The following TMEM65 variants were observed in gnomAD, a reference collection of about 807,000 sequenced individuals.
TMEM65 encodes the protein transmembrane protein 65.
In TMEM65, 22 loss-of-function variants were observed where a neutral mutation model predicts 25.4. The observed-to-expected ratio is 0.86, with a 90% CI of 0.62 to 1.23. TMEM65 has a LOEUF of 1.23. TMEM65 is among the 50% of genes most tolerant of loss of function. The pLI is 0.00. For missense variants in TMEM65, 262 were observed against 308.2 expected, an observed-to-expected ratio of 0.85 and a Z score of 1.12; for synonymous variants, 132 against 126.2, an observed-to-expected ratio of 1.05 and a Z score of -0.31.
chr8:124,325,593 C>A (rs1366682731), intron 3 of TMEM65, among the ~76,000 whole-genome samples: 1 of 151,868 alleles, frequency 6.6e-6, no homozygotes, highest in Non-Finnish European at 1.5e-5. Context: ...CAAAATGGCC[C>A]ATAAGCCCCT....
intron 1 of TMEM65, among the ~76,000 whole-genome samples, chr8:124,343,268 T>C (rs978200511): frequency 2.6e-5 from 4 of 152,168 alleles, no homozygotes; most frequent in African/African-American, 9.7e-5. Flanking sequence ...TGACCCCTTA[T>C]ATAACAGTTA....
At chr8:124,315,333 T>G (rs183329406) in intron 6 of TMEM65, among the ~76,000 whole-genome samples, 250 of 152,220 alleles carry the variant, frequency 1.6e-3, no homozygotes, top group African/African-American at 5.2e-3. Flanking sequence ...TTGTTTGTTT[T>G]TTTTTTGAGA....
At chr8:124,359,579 T>TA (rs1435398263) in intron 1 of TMEM65, among the ~76,000 whole-genome samples, 3 of 151,960 alleles carry the variant, frequency 2.0e-5, no homozygotes, top group Admixed American at 6.6e-5. Flanking sequence ...TCATCTATAC[T>TA]AAAAATATAA....
rs1814118356 is a variant in TMEM65 at position 124,308,402 on chromosome 8, T to C, written c.*5558A>G. ...GAGAACTCTAACAAAGAGAACATCA[T>C]CAAAGTCTGGAAGGATTCCACCACT... is the stretch of plus-strand genomic sequence containing the variant. On this transcript the variant is annotated 3_prime_UTR_variant, in exon 7 of 7. Transcript: ENST00000297632. 1 of 152,146 alleles carries C rather than the reference T, an allele frequency of 6.6e-6. No individual in the cohort carries two copies. Among genetic ancestry groups the C allele is most frequent in the Admixed American group, 6.5e-5 (1 of 15,268 alleles). The allele number at this position is 152,146 out of a possible 1,614,324, so 9.4% of individuals were successfully genotyped here. A position where few individuals can be genotyped will look rare whatever the true frequency, so the allele number is the denominator to read the frequency against.
At chr8:124,354,150 A>G (rs906794706) in intron 1 of TMEM65, among the ~76,000 whole-genome samples, 1 of 152,186 alleles carries the variant, frequency 6.6e-6, no homozygotes, top group African/African-American at 2.4e-5. Context: ...AAGACATGCT[A>G]CAAAAAAACT....
intron 3 of TMEM65, among the ~76,000 whole-genome samples, chr8:124,324,908 T>C (rs1814348821): frequency 1.3e-5 from 2 of 152,070 alleles, no homozygotes; most frequent in Non-Finnish European, 2.9e-5. Flanking sequence ...TTATCCTTAA[T>C]ACAATTAATC....
intron 1 of TMEM65, among the ~76,000 whole-genome samples, chr8:124,358,624 C>T (rs1207557159): frequency 6.6e-6 from 1 of 152,184 alleles, no homozygotes; most frequent in Non-Finnish European, 1.5e-5. Flanking sequence ...TTTTTCCATC[C>T]ATAAATCCTC....
chr8:124,308,490 C>T lies in TMEM65; in HGVS notation c.*5470G>A, dbSNP rs1814118996. ...TCAAGCCCAAAACAATAAATTCCTG[C>T]TGAGGAAAACAACCAGATGTTGTGT... On this transcript the variant is annotated 3_prime_UTR_variant, in exon 7 of 7. Transcript: ENST00000297632. 6.6e-6 allele frequency: 1 copy of T among 152,170 alleles called. No individual in the cohort carries two copies. The highest frequency in any genetic ancestry group is 2.4e-5 in the African/African-American group (1 of 41,430). 9.4% of individuals were successfully genotyped at this position (152,170 alleles called of 1,614,324 possible).
chr8:124,332,929 C>T (rs1814452986), intron 1 of TMEM65, among the ~76,000 whole-genome samples: 1 of 152,006 alleles, frequency 6.6e-6, no homozygotes, highest in African/African-American at 2.4e-5. Context: ...TTTCAGCCTC[C>T]CGAGTAGCTG....
In TMEM65 at chr8:124,310,572, C is replaced by T. The variant is rs1814143990; in HGVS notation, c.*3388G>A. ...AATAGAGATGATAATGATAATAGCC[C>T]CAACTTAATGTTGTCATTAAGGTGA... is the stretch of plus-strand genomic sequence containing the variant. On this transcript the variant is annotated 3_prime_UTR_variant, in exon 7 of 7. Coordinates refer to ENST00000297632, the MANE Select transcript of TMEM65 (RefSeq NM_194291.3). 1.3e-5 allele frequency: 2 copies of T among 152,008 alleles called. No individual in the cohort carries two copies. The highest frequency in any genetic ancestry group is 4.8e-5 in the African/African-American group (2 of 41,366). 9.4% of individuals were successfully genotyped at this position (152,008 alleles called of 1,614,324 possible).
chr8:124,324,535 T>C lies in TMEM65; in HGVS notation c.418-1160A>G, dbSNP rs905700939. On this transcript the variant is annotated intron_variant, in intron 3 of 6. Transcript: ENST00000297632. ...AGAAAAAGAATAAACATATGTATCA[T>C]CATATCTGAATGCAAAAAAACTGGA... Among the ~76,000 whole-genome samples the C allele has an allele frequency of 1.4e-4, 21 of 152,014 alleles. 1 individual carries two copies. The highest frequency in any genetic ancestry group is 5.1e-4 in the African/African-American group (21 of 41,418).
rs541080792 is a variant in TMEM65, at chr8:124,369,169, T to C, written c.304+2685A>G. Among the ~76,000 whole-genome samples, 205 of 152,204 alleles carry C rather than the reference T, an allele frequency of 1.3e-3. 1 individual carries two copies. The highest frequency in any genetic ancestry group is 1.7e-3 in the Non-Finnish European group (115 of 68,036). On this transcript the variant is annotated intron_variant, in intron 1 of 6. Coordinates refer to ENST00000297632, the MANE Select transcript of TMEM65 (RefSeq NM_194291.3). ...AGAGAGATCAGGCTGAGCAGGTAAATTGAAGGCGCAAACTCAACTTTTTTT... is the reference window on the plus strand; with the variant it reads ...AGAGAGATCAGGCTGAGCAGGTAAACTGAAGGCGCAAACTCAACTTTTTTT...
chr8:124,339,959 G>A (rs962566144), intron 1 of TMEM65, among the ~76,000 whole-genome samples: 1 of 151,998 alleles, frequency 6.6e-6, no homozygotes, highest in African/African-American at 2.4e-5. Flanking sequence ...CTTGTGAGGT[G>A]TATCAGAAAA....
intron 1 of TMEM65, among the ~76,000 whole-genome samples, chr8:124,341,648 A>G (rs1044694326): frequency 9.9e-5 from 15 of 152,138 alleles, no homozygotes; most frequent in Non-Finnish European, 1.5e-5. Flanking sequence ...ATTTAGAGCT[A>G]AGTTTTCTCT....
intron 1 of TMEM65, among the ~76,000 whole-genome samples, chr8:124,349,327 T>G (rs1218898688): frequency 4.9e-5 from 7 of 144,050 alleles, no homozygotes; most frequent in African/African-American, 1.8e-4. Flanking sequence ...TAATTCCCCT[T>G]CAGATACATT....
chr8:124,345,967 G>C (rs1814635882), intron 1 of TMEM65, among the ~76,000 whole-genome samples: 1 of 152,108 alleles, frequency 6.6e-6, no homozygotes, highest in Non-Finnish European at 1.5e-5. Context: ...GGCTTGTCTG[G>C]AACTCCTGAC....
chr8:124,336,288 C>A (rs1047434183), intron 1 of TMEM65, among the ~76,000 whole-genome samples: 1 of 151,958 alleles, frequency 6.6e-6, no homozygotes, highest in African/African-American at 2.4e-5. Context: ...AAGCCTTTTT[C>A]TTAGTAATTG....
chr8:124,321,397 T>C (rs1814301852), intron 5 of TMEM65, among the ~76,000 whole-genome samples: 1 of 152,142 alleles, frequency 6.6e-6, no homozygotes, highest in African/African-American at 2.4e-5. Context: ...AATGTCCACT[T>C]AGTCTAATTT....
intron 1 of TMEM65, among the ~76,000 whole-genome samples, chr8:124,359,238 T>C (rs1814828563): frequency 6.6e-6 from 1 of 152,218 alleles, no homozygotes; most frequent in Non-Finnish European, 1.5e-5. Flanking sequence ...GATGAGATCC[T>C]TAATTTCTGA....
Sources: gnomAD v4.1 joint callset for allele counts (sites outside exome capture counted in the v4.1 genomes callset) on GRCh38, gnomAD v4.1.1 for gene constraint, MANE v1.5 for transcripts, NCBI Gene and HGNC (gene_info 2026-07-23, HGNC 2026-07-21) for gene names.